Variants in OCA2 observed in about 807,000 individuals in gnomAD.
OCA2 encodes P protein.
OCA2 carries 77 observed loss-of-function variants against 100.2 expected under a neutral mutation model. The observed-to-expected ratio is 0.77, with a 90% CI of 0.64 to 0.93. The LOEUF is 0.93. OCA2 is among the 40% of genes least tolerant of loss of function. The pLI is 0.00. For missense variants in OCA2, 1,062 were observed against 1,089.1 expected, an observed-to-expected ratio of 0.98 and a Z score of 0.35; for synonymous variants, 432 against 439.2, an observed-to-expected ratio of 0.98 and a Z score of 0.21.
At chr15:27,849,427 C>T (rs915994156) in intron 22 of OCA2, among the ~76,000 whole-genome samples, 3 of 152,214 alleles carry the variant, frequency 2.0e-5, no homozygotes, top group Non-Finnish European at 4.4e-5. Context: ...CACTTGCCTC[C>T]ACCTCTGCTT....
intron 19 of OCA2, among the ~76,000 whole-genome samples, chr15:27,924,740 G>T (rs1277764546): frequency 1.3e-5 from 2 of 152,138 alleles, no homozygotes; most frequent in Non-Finnish European, 2.9e-5. Context: ...CAGTAAGAAA[G>T]CAGTAAAAGA....
At chr15:28,069,184 T>C (rs1278399871) in intron 2 of OCA2, among the ~76,000 whole-genome samples, 1 of 152,024 alleles carries the variant, frequency 6.6e-6, no homozygotes, top group African/African-American at 2.4e-5. Flanking sequence ...ATTCTATACT[T>C]AGAAAATCCT....
At chr15:28,008,621 T>A (rs892709634) in intron 9 of OCA2, among the ~76,000 whole-genome samples, 1 of 152,218 alleles carries the variant, frequency 6.6e-6, no homozygotes. Flanking sequence ...TCTCCTTTGT[T>A]TGGTATACTC....
intron 23 of OCA2, among the ~76,000 whole-genome samples, chr15:27,799,636 T>C (rs1366643657): frequency 6.6e-6 from 1 of 151,578 alleles, no homozygotes; most frequent in Non-Finnish European, 1.5e-5. Context: ...TTCCAGCTAC[T>C]CAGGAGGCAG....
chr15:27,981,864 C>G (rs2041172862), intron 14 of OCA2, among the ~76,000 whole-genome samples: 1 of 152,190 alleles, frequency 6.6e-6, no homozygotes. Context: ...TTCATCCTCT[C>G]AACTCAGGGG....
intron 2 of OCA2, among the ~76,000 whole-genome samples, chr15:28,047,022 C>T (rs550709017): frequency 1.3e-4 from 20 of 152,208 alleles, no homozygotes; most frequent in South Asian, 6.2e-4. Context: ...CTCCCCTCTC[C>T]GAAAAAAATT....
intron 22 of OCA2, among the ~76,000 whole-genome samples, chr15:27,847,587 T>C (rs1181881395): frequency 1.3e-5 from 2 of 152,108 alleles, no homozygotes; most frequent in East Asian, 1.9e-4. Context: ...AAGGAGGCCC[T>C]GGAGAGGCCC....
chr15:28,094,893 A>ACCGACAGAGGCCAGGG (rs1189010637), intron 1 of OCA2, among the ~76,000 whole-genome samples: 8 of 152,234 alleles, frequency 5.3e-5, no homozygotes, highest in African/African-American at 1.9e-4. Context: ...CGGTGCCAGG[A>ACCGACAGAGGCCAGGG]CCGACAGAGG....
At chr15:27,746,343 C>T in the OCA2 span, among the ~76,000 whole-genome samples, 6 of 152,178 alleles carry the variant, frequency 3.9e-5, no homozygotes, top group East Asian at 1.9e-4. Context: ...TCCCTGTAAT[C>T]CCAGCTACTC....
At chr15:27,955,266 G>T in intron 16 of OCA2, 51 bp from the exon 17 acceptor site, 1 of 1,303,290 alleles carries the variant, frequency 7.7e-7, no homozygotes, top group Non-Finnish European at 1.1e-6. Context: ...GCTGCGTGGT[G>T]AGATCGCGGA....
At chr15:27,917,637 T>C (rs1043361558) in intron 19 of OCA2, among the ~76,000 whole-genome samples, 2 of 152,078 alleles carry the variant, frequency 1.3e-5, no homozygotes, top group African/African-American at 2.4e-5. Flanking sequence ...TCTGTAAGCT[T>C]GATGATGATG....
At chr15:28,070,651 T>C (rs2044228496) in intron 2 of OCA2, among the ~76,000 whole-genome samples, 1 of 149,346 alleles carries the variant, frequency 6.7e-6, no homozygotes, top group Admixed American at 6.6e-5. Context: ...CACCACCCCG[T>C]CTGGGAGGTG....
At chr15:27,904,320 G>C (rs1360601688) in intron 19 of OCA2, among the ~76,000 whole-genome samples, 1 of 152,208 alleles carries the variant, frequency 6.6e-6, no homozygotes, top group Non-Finnish European at 1.5e-5. Context: ...TGGGAGCGCT[G>C]GGGGACAGAG....
intron 23 of OCA2, among the ~76,000 whole-genome samples, chr15:27,793,686 T>G (rs924013044): frequency 1.5e-4 from 23 of 152,356 alleles, no homozygotes; most frequent in African/African-American, 5.3e-4. Flanking sequence ...CTCAGGACCC[T>G]GAAGTCTACA....
At chr15:27,951,247 G>T (rs2040017510) in intron 18 of OCA2, among the ~76,000 whole-genome samples, 2 of 152,186 alleles carry the variant, frequency 1.3e-5, no homozygotes, top group South Asian at 4.1e-4. Flanking sequence ...AGCCATGGGT[G>T]TGGTGAACGT....
At chr15:27,949,276 G>A (rs769734867) in intron 18 of OCA2, among the ~76,000 whole-genome samples, 2 of 152,270 alleles carry the variant, frequency 1.3e-5, no homozygotes, top group Admixed American at 6.5e-5. Flanking sequence ...ATGATGTCAC[G>A]TTACATGATG....
At chr15:28,083,222 G>A (rs539940718) in intron 1 of OCA2, among the ~76,000 whole-genome samples, 16 of 152,360 alleles carry the variant, frequency 1.1e-4, no homozygotes, top group Middle Eastern at 3.4e-3. Flanking sequence ...GCAAGTACAA[G>A]ACGTGTGATG....
intron 23 of OCA2, among the ~76,000 whole-genome samples, chr15:27,808,778 G>A (rs1475714475): frequency 6.6e-6 from 1 of 152,166 alleles, no homozygotes; most frequent in Non-Finnish European, 1.5e-5. Flanking sequence ...GCTGGGTGAG[G>A]AACAGCGAGG....
At chr15:27,993,620 C>A (rs1466578209) in intron 9 of OCA2, among the ~76,000 whole-genome samples, 1 of 152,182 alleles carries the variant, frequency 6.6e-6, no homozygotes, top group Non-Finnish European at 1.5e-5. Flanking sequence ...CTCACTGACA[C>A]CCCTAGCACC....
Sources: gnomAD v4.1 joint callset for allele counts (sites outside exome capture counted in the v4.1 genomes callset) on GRCh38, gnomAD v4.1.1 for gene constraint, MANE v1.5 for transcripts, NCBI Gene and HGNC (gene_info 2026-07-23, HGNC 2026-07-21) for gene names.